UGT1A8: variants seen among roughly 807,000 people sequenced by gnomAD.
The protein encoded by UGT1A8 is UDP glucuronosyltransferase family 1 member A8, also known as UDP-glucuronosyltransferase 1A8.
A neutral mutation model predicts 45.3 loss-of-function variants in UGT1A8; 39 were observed. The ratio of observed to expected loss-of-function variants is 0.86; its 90% CI spans 0.67 to 1.12. UGT1A8 has a LOEUF of 1.12. Ranked by LOEUF, UGT1A8 falls within the 50% of genes most tolerant of loss-of-function variation. UGT1A8 has a pLI of 0.00. For missense variants in UGT1A8, 719 were observed against 664.9 expected (o/e 1.08, Z -0.90); for synonymous variants, 275 against 249.2 (o/e 1.10, Z -0.97).
At chr2:233,761,798 T>C (rs573844066) in intron 1 of UGT1A8, among the ~76,000 whole-genome samples, 7 of 152,144 alleles carry the variant, frequency 4.6e-5, no homozygotes, top group Non-Finnish European at 1.0e-4. Context: ...CAGCAGAGGA[T>C]AGAAAAGAAC....
chr2:233,762,002 C>A (rs1378101119), intron 1 of UGT1A8, among the ~76,000 whole-genome samples: 2 of 152,188 alleles, frequency 1.3e-5, no homozygotes, highest in Non-Finnish European at 2.9e-5. Flanking sequence ...TTCCACTATA[C>A]CTCCAATGTG....
chr2:233,770,501 T>C (rs956860149), intron 4 of UGT1A8: 6 of 151,776 alleles, frequency 4.0e-5, no homozygotes, highest in African/African-American at 1.5e-4. Context: ...CAAAAAAATA[T>C]AAAAAAATTA....
chr2:233,637,400 C>G (rs867092927), intron 1 of UGT1A8: 1 of 1,588,104 alleles, frequency 6.3e-7, no homozygotes, highest in Middle Eastern at 1.7e-4. Flanking sequence ...TCCTTTAGCA[C>G]ATTAAGAATA....
At chr2:233,726,450 A>G (rs538330915) in intron 1 of UGT1A8, among the ~76,000 whole-genome samples, 2 of 152,312 alleles carry the variant, frequency 1.3e-5, no homozygotes, top group South Asian at 4.1e-4. Context: ...TTTCCACTGA[A>G]TGTAAGCTCA....
At chr2:233,732,018 C>A (rs1393703380) in intron 1 of UGT1A8, among the ~76,000 whole-genome samples, 1 of 152,210 alleles carries the variant, frequency 6.6e-6, no homozygotes, top group East Asian at 1.9e-4. Context: ...TTTTGATTTG[C>A]ATTTCTCTGA....
intron 1 of UGT1A8, chr2:233,690,424 A>C (rs1327436019): frequency 8.0e-7 from 1 of 1,244,126 alleles, no homozygotes; most frequent in African/African-American, 1.5e-5. Flanking sequence ...ACCTTCATGC[A>C]CATCTTTGGG....
chr2:233,740,135 G>A (rs1178370483), intron 1 of UGT1A8, among the ~76,000 whole-genome samples: 1 of 151,922 alleles, frequency 6.6e-6, no homozygotes, highest in Non-Finnish European at 1.5e-5. Context: ...TGTCATGATT[G>A]TAAGTTTCCT....
chr2:233,647,302 T>C (rs140647999), intron 1 of UGT1A8, among the ~76,000 whole-genome samples: 1 of 152,356 alleles, frequency 6.6e-6, no homozygotes, highest in African/African-American at 2.4e-5. Flanking sequence ...GCTGAAATAT[T>C]GTTTTACATT....
At chr2:233,744,167 C>T (rs571958396) in intron 1 of UGT1A8, among the ~76,000 whole-genome samples, 8 of 151,954 alleles carry the variant, frequency 5.3e-5, no homozygotes, top group South Asian at 4.1e-4. Flanking sequence ...CCGCCCACTC[C>T]GGCCTCCAAC....
At chr2:233,748,029 A>G in intron 1 of UGT1A8, 5 of 1,613,446 alleles carry the variant, frequency 3.1e-6, no homozygotes, top group East Asian at 2.2e-5. Context: ...CATGCCCAAC[A>G]TGGTCTTCAT....
chr2:233,686,513 T>G (rs1175903416), intron 1 of UGT1A8, among the ~76,000 whole-genome samples: 1 of 152,132 alleles, frequency 6.6e-6, no homozygotes, highest in Non-Finnish European at 1.5e-5. Context: ...AGGTGGAGCC[T>G]CCACCTGCGT....
At chr2:233,628,452 G>GT (rs1047901614) in intron 1 of UGT1A8, among the ~76,000 whole-genome samples, 5 of 152,024 alleles carry the variant, frequency 3.3e-5, no homozygotes, top group African/African-American at 1.2e-4. Flanking sequence ...AAGAAGATTA[G>GT]TTTTTAAGTA....
At chr2:233,763,667 A>G (rs1461035011) in intron 1 of UGT1A8, among the ~76,000 whole-genome samples, 2 of 152,194 alleles carry the variant, frequency 1.3e-5, no homozygotes, top group African/African-American at 4.8e-5. Context: ...AAAACTCCTG[A>G]ACTTTAAGAA....
chr2:233,755,353 G>C (rs1323397761), intron 1 of UGT1A8: 2 of 385,742 alleles, frequency 5.2e-6, no homozygotes, highest in Non-Finnish European at 9.5e-6. Context: ...GAGGCTTGGC[G>C]ACCTGGGCCG....
At chr2:233,732,493 G>C (rs141356640) in intron 1 of UGT1A8, among the ~76,000 whole-genome samples, 2 of 152,178 alleles carry the variant, frequency 1.3e-5, no homozygotes, top group African/African-American at 4.8e-5. Context: ...TGTATAAGGC[G>C]TAAGGAAGGG....
intron 1 of UGT1A8, among the ~76,000 whole-genome samples, chr2:233,745,628 G>GA (rs922569313): frequency 1.5e-4 from 22 of 151,674 alleles, no homozygotes; most frequent in Non-Finnish European, 1.8e-4. Context: ...AACAGTCATA[G>GA]AAAGCTGGCC....
chr2:233,636,899 G>C (rs766150415), intron 1 of UGT1A8: 4 of 1,614,010 alleles, frequency 2.5e-6, no homozygotes, highest in Non-Finnish European at 3.4e-6. Flanking sequence ...CATTGCAGGA[G>C]TTTGTTTAAT....
intron 1 of UGT1A8, among the ~76,000 whole-genome samples, chr2:233,700,149 G>T (rs142795640): frequency 4.4e-3 from 670 of 152,290 alleles, no homozygotes; most frequent in Non-Finnish European, 7.9e-3. Context: ...TCTCCCTATA[G>T]GGGTCTTTAC....
At chr2:233,742,599 A>G (rs1331499090) in intron 1 of UGT1A8, among the ~76,000 whole-genome samples, 1 of 151,848 alleles carries the variant, frequency 6.6e-6, no homozygotes, top group Non-Finnish European at 1.5e-5. Context: ...GCAACCTACC[A>G]TAGTTGGAGA....
Sources: gnomAD v4.1 joint callset for allele counts (sites outside exome capture counted in the v4.1 genomes callset) on GRCh38, gnomAD v4.1.1 for gene constraint, MANE v1.5 for transcripts, NCBI Gene and HGNC (gene_info 2026-07-23, HGNC 2026-07-21) for gene names.